The following FMN2 variants were observed in gnomAD, a reference collection of about 807,000 sequenced individuals.
FMN2 encodes the protein formin-2.
FMN2 carries 51 observed loss-of-function variants against 142.3 expected under a neutral mutation model. The observed-to-expected ratio is 0.36, with a 90% CI of 0.29 to 0.45. The LOEUF (loss-of-function observed/expected upper bound fraction) is 0.45, where lower values mean the gene tolerates loss of function less well. Among genes scored for constraint, FMN2 ranks in the 20% least tolerant of loss-of-function variants. The pLI is 1.00. For missense variants in FMN2, 1,936 were observed against 2,122.8 expected (o/e 0.91, Z 1.73); for synonymous variants, 882 against 869.8 (o/e 1.01, Z -0.25).
At chr1:240,436,366 G>A (rs1675370436) in intron 15 of FMN2, among the ~76,000 whole-genome samples, 1 of 152,200 alleles carries the variant, frequency 6.6e-6, no homozygotes, top group South Asian at 2.1e-4. Flanking sequence ...GAATCTTGCT[G>A]CTCAGAGACA....
intron 14 of FMN2, among the ~76,000 whole-genome samples, chr1:240,384,808 G>T (rs1673358725): frequency 6.6e-6 from 1 of 152,022 alleles, no homozygotes; most frequent in African/African-American, 2.4e-5. Context: ...GATTTTAAGT[G>T]GGAATAATTA....
chr1:240,336,451 A>G lies in FMN2; in HGVS notation c.4765+2222A>G, dbSNP rs149259644. Among the ~76,000 whole-genome samples the G allele has an allele frequency of 3.6e-3, 550 of 151,146 alleles. 2 individuals are homozygous for G. Among genetic ancestry groups the G allele is most frequent in the African/African-American group, 0.012 (493 of 41,268 alleles). Reference sequence around the variant, plus strand: ...TTTGTCTGGCACAGTATTTTCCCCAATCTGAACACAGCCTGTTACAATTTG... The same window carrying G: ...TTTGTCTGGCACAGTATTTTCCCCAGTCTGAACACAGCCTGTTACAATTTG... On this transcript the variant is annotated intron_variant, in intron 13 of 17. Transcript: ENST00000319653.
intron 2 of FMN2, among the ~76,000 whole-genome samples, chr1:240,147,067 C>T (rs1053050188): frequency 1.3e-5 from 2 of 152,136 alleles, no homozygotes; most frequent in Admixed American, 6.5e-5. Context: ...AGTGGAGGAG[C>T]AAGTCATAGA....
At chr1:240,446,612 C>T (rs768018154) in intron 16 of FMN2, among the ~76,000 whole-genome samples, 7 of 152,166 alleles carry the variant, frequency 4.6e-5, no homozygotes, top group South Asian at 2.1e-4. Context: ...AGCTAGATGA[C>T]GTTATTTTTT....
At chr1:240,408,415 A>C (rs1407194277) in intron 15 of FMN2, among the ~76,000 whole-genome samples, 1 of 152,184 alleles carries the variant, frequency 6.6e-6, no homozygotes, top group Non-Finnish European at 1.5e-5. Context: ...AATTTCAATA[A>C]ACGGGAAAAA....
intron 1 of FMN2, among the ~76,000 whole-genome samples, chr1:240,112,135 CTT>C (rs869282410): frequency 1.4e-4 from 20 of 138,488 alleles, no homozygotes; most frequent in Non-Finnish European, 1.1e-4. Flanking sequence ...CCTGCATTTT[CTT>C]TTTTTTTTTT....
At chr1:240,383,914 TG>T (rs1673314678) in intron 14 of FMN2, among the ~76,000 whole-genome samples, 1 of 151,666 alleles carries the variant, frequency 6.6e-6, no homozygotes, top group Admixed American at 6.6e-5. Flanking sequence ...TCTTTATATA[TG>T]GAATACTACT....
intron 2 of FMN2, among the ~76,000 whole-genome samples, chr1:240,131,177 G>A (rs986442530): frequency 6.6e-6 from 1 of 152,202 alleles, no homozygotes. Context: ...TTCTGAGTGA[G>A]AGGAAAGTAT....
chr1:240,189,267 C>A (rs1665610231), intron 4 of FMN2, among the ~76,000 whole-genome samples: 1 of 151,464 alleles, frequency 6.6e-6, no homozygotes, highest in Admixed American at 6.6e-5. Context: ...GCTTACAAAC[C>A]AATTTACATT....
chr1:240,254,326 T>A (rs1044450291), intron 6 of FMN2, among the ~76,000 whole-genome samples: 3 of 151,622 alleles, frequency 2.0e-5, no homozygotes, highest in African/African-American at 7.3e-5. Context: ...CTAGCTGTGG[T>A]GTTAGCAGTA....
chr1:240,093,715 G>C lies in FMN2; in HGVS notation c.1606G>C (p.Val536Leu). 7.4e-7 allele frequency: 1 copy of C among 1,353,212 alleles called. No homozygotes were observed. The highest frequency in any genetic ancestry group is 9.4e-7 in the Non-Finnish European group (1 of 1,059,320). The allele number at this position is 1,353,212 out of a possible 1,614,324, so 83.8% of individuals were successfully genotyped here. The change falls in exon 1 of 18, where the codon GTG becomes CTG. Residue 536 changes from valine to leucine, a missense_variant. By Grantham distance (32) the Val-to-Leu change is conservative. Around this residue, in one of 8 missense-constraint regions of FMN2, gnomAD observed 751 missense variants for 791.8 expected, o/e 0.95. Coordinates refer to ENST00000319653, the MANE Select transcript of FMN2 (RefSeq NM_020066.5). Reference protein sequence around the residue: ...APAAADGFQNVFTGRTLLEKL... With the variant: ...APAAADGFQNLFTGRTLLEKL... ...CGCGGCTGCGGATGGCTTCCAGAAC[G>C]TGTTCACAGGTGAGCGCGCCCTGCT...
chr1:240,371,744 C>T (rs1672872657), intron 14 of FMN2, among the ~76,000 whole-genome samples: 1 of 152,122 alleles, frequency 6.6e-6, no homozygotes, highest in African/African-American at 2.4e-5. Context: ...CTACATGTTA[C>T]TTGGGCATTT....
Position 240,418,201 on chromosome 1 carries a change from AT to A in FMN2, c.4911-19844del, listed in dbSNP as rs147438271. Among the ~76,000 whole-genome samples, 1,092 of 138,114 alleles carry A rather than the reference AT, an allele frequency of 7.9e-3. 11 individuals carry two copies. Among genetic ancestry groups the A allele is most frequent in the East Asian group, 0.04 (192 of 4,816 alleles). The allele number at this position is 138,114 out of a possible 152,430, so 90.6% of individuals were successfully genotyped here. A position where few individuals can be genotyped will look rare whatever the true frequency, so the allele number is the denominator to read the frequency against. On this transcript the variant is annotated intron_variant, in intron 15 of 17. Coordinates refer to ENST00000319653, the MANE Select transcript of FMN2 (RefSeq NM_020066.5). ...TTTAAATTCTTTTATATTTATTATG[AT>A]TTTTTTTTTTTTTTTGAGATGGAGT... is the stretch of plus-strand genomic sequence containing the variant.
At chr1:240,248,788 G>A (rs993426182) in intron 6 of FMN2, among the ~76,000 whole-genome samples, 3 of 151,758 alleles carry the variant, frequency 2.0e-5, no homozygotes, top group African/African-American at 7.2e-5. Flanking sequence ...ATCTCATTGT[G>A]TTTGATTTGC....
At chr1:240,136,686 T>C (rs950767351) in intron 2 of FMN2, among the ~76,000 whole-genome samples, 6 of 152,212 alleles carry the variant, frequency 3.9e-5, no homozygotes, top group African/African-American at 1.4e-4. Flanking sequence ...GTCTTTCTCC[T>C]GTAGATGCAC....
chr1:240,128,875 A>AT (rs990606040), intron 2 of FMN2, among the ~76,000 whole-genome samples: 221 of 151,070 alleles, frequency 1.5e-3, no homozygotes, highest in African/African-American at 4.9e-3. Flanking sequence ...ATTTGAATTC[A>AT]TTTTTTTTTC....
intron 16 of FMN2, among the ~76,000 whole-genome samples, chr1:240,466,919 C>T (rs914339393): frequency 6.6e-6 from 1 of 152,186 alleles, no homozygotes; most frequent in African/African-American, 2.4e-5. Context: ...AGTCCAGGAA[C>T]TCCATTCGTT....
At chr1:240,412,210 A>G (rs775520576) in intron 15 of FMN2, among the ~76,000 whole-genome samples, 1 of 152,214 alleles carries the variant, frequency 6.6e-6, no homozygotes, top group Non-Finnish European at 1.5e-5. Context: ...AAGAATAATT[A>G]CAATGTATGC....
chr1:240,091,934 A>C lies in FMN2; in HGVS notation c.-176A>C, dbSNP rs566052357. On this transcript the variant is annotated 5_prime_UTR_variant, in exon 1 of 18. Coordinates refer to ENST00000319653, the MANE Select transcript of FMN2 (RefSeq NM_020066.5). The stretch of plus-strand genomic sequence containing the variant: ...CACGGGAGCCGCCGCGCATTATGCA[A>C]AGCGGCGGCAGATGCGAGCGGGGCC... The C allele has an allele frequency of 1.9e-4, 210 of 1,115,852 alleles. 2 individuals carry two copies. In the East Asian group the frequency reaches 4.8e-3, roughly 26 times the overall value. 69.1% of individuals were successfully genotyped at this position (1,115,852 alleles called of 1,614,324 possible).
Sources: allele counts gnomAD v4.1 joint callset (sites outside exome capture counted in the v4.1 genomes callset), GRCh38; gene constraint gnomAD v4.1.1; regional missense constraint gnomAD v4.1.1; transcripts MANE v1.5; gene names NCBI Gene and HGNC (gene_info 2026-07-23, HGNC 2026-07-21).